ORC3: variants seen among roughly 807,000 people sequenced by gnomAD.
ORC3 encodes the protein origin recognition complex subunit 3, also known as homolog of latheo, Drosophila.
ORC3 carries 78 observed loss-of-function variants against 100.7 expected under a neutral mutation model. The ratio of observed to expected loss-of-function variants is 0.77; its 90% CI spans 0.65 to 0.94. The LOEUF is 0.94. ORC3 is among the 40% of genes least tolerant of loss of function. ORC3 has a pLI of 0.00. For missense variants in ORC3, 789 were observed against 823.9 expected, an observed-to-expected ratio of 0.96 and a Z score of 0.52; for synonymous variants, 295 against 289.3, an observed-to-expected ratio of 1.02 and a Z score of -0.20.
chr6:87,672,835 A>G, the ORC3 span, among the ~76,000 whole-genome samples: 2 of 152,152 alleles, frequency 1.3e-5, no homozygotes, highest in African/African-American at 4.8e-5. Context: ...TATTTTTCCA[A>G]AAGTACAAAC....
chr6:87,676,796 G>A, the ORC3 span, among the ~76,000 whole-genome samples: 1 of 149,092 alleles, frequency 6.7e-6, no homozygotes, highest in Non-Finnish European at 1.5e-5. Context: ...AAAACAATTG[G>A]CCGGGCATGG....
At position 87,667,159 on chromosome 6, in the gene ORC3, G is replaced by A; in HGVS notation, c.*36G>A. 7.9e-7 allele frequency: 1 copy of A among 1,270,266 alleles called. No individual in the cohort carries two copies. Among genetic ancestry groups the A allele is most frequent in the South Asian group, 1.3e-5 (1 of 78,838 alleles). The allele number at this position is 1,270,266 out of a possible 1,614,324, so 78.7% of individuals were successfully genotyped here. Reference sequence around the variant, plus strand: ...AGCAAAGCCAGAACTATCACATTTAGCTTAAGAGAAAAAGGTGACCAGTCA... The same window carrying A: ...AGCAAAGCCAGAACTATCACATTTAACTTAAGAGAAAAAGGTGACCAGTCA... On this transcript the variant is annotated 3_prime_UTR_variant, in exon 20 of 20. Coordinates refer to ENST00000392844, the MANE Select transcript of ORC3 (RefSeq NM_012381.4).
chr6:87,652,187 C>T (rs1583150723), intron 13 of ORC3, among the ~76,000 whole-genome samples: 1 of 152,034 alleles, frequency 6.6e-6, no homozygotes, highest in African/African-American at 2.4e-5. Context: ...TGTGAGCCAC[C>T]GTGCCTGGAA....
intron 13 of ORC3, among the ~76,000 whole-genome samples, chr6:87,639,833 A>C (rs1768104245): frequency 6.6e-6 from 1 of 150,382 alleles, no homozygotes; most frequent in South Asian, 2.1e-4. Context: ...TACAAAAAAA[A>C]AAAAAAAAAA....
At chr6:87,665,691 A>G in intron 18 of ORC3, 63 bp from the exon 19 acceptor site, 2 of 889,790 alleles carry the variant, frequency 2.2e-6, no homozygotes, top group Non-Finnish European at 3.7e-6. Context: ...TAAAAGAAGT[A>G]TAGTAAAAGA....
chr6:87,608,972 G>A, intron 6 of ORC3, 124 bp from the exon 7 acceptor site: 1 of 676,776 alleles, frequency 1.5e-6, no homozygotes, highest in Non-Finnish European at 2.3e-6. Context: ...TTATCGTGTG[G>A]TAGAAAAAAA....
intron 10 of ORC3, 25 bp from the exon 11 acceptor site, chr6:87,621,925 A>G (rs779511591): frequency 1.3e-6 from 2 of 1,532,528 alleles, no homozygotes; most frequent in Non-Finnish European, 1.8e-6. Context: ...TTCTCTTTTT[A>G]TGTATGGAAT....
chr6:87,661,420 G>A (rs1486295839), intron 16 of ORC3, among the ~76,000 whole-genome samples: 2 of 152,184 alleles, frequency 1.3e-5, no homozygotes, highest in Non-Finnish European at 2.9e-5. Flanking sequence ...TGGAGAAGGA[G>A]CAGCACCTAG....
chr6:87,665,096 T>C (rs1770494223), intron 18 of ORC3, among the ~76,000 whole-genome samples: 1 of 152,234 alleles, frequency 6.6e-6, no homozygotes, highest in South Asian at 2.1e-4. Flanking sequence ...AAGCCAATTC[T>C]GTGTTCATGC....
intron 12 of ORC3, among the ~76,000 whole-genome samples, chr6:87,635,526 G>A (rs772048861): frequency 6.6e-6 from 1 of 152,190 alleles, no homozygotes; most frequent in East Asian, 1.9e-4. Flanking sequence ...GCTGGGTGCA[G>A]TGACTCACGC....
At chr6:87,674,490 A>G in the ORC3 span, among the ~76,000 whole-genome samples, 1 of 151,586 alleles carries the variant, frequency 6.6e-6, no homozygotes, top group Admixed American at 6.6e-5. Flanking sequence ...AAGGGAGTCA[A>G]ATTTGCTGAA....
At chr6:87,604,173 C>G (rs1398197420) in intron 4 of ORC3, among the ~76,000 whole-genome samples, 1 of 152,150 alleles carries the variant, frequency 6.6e-6, no homozygotes, top group Non-Finnish European at 1.5e-5. Context: ...CCTTTGAAAA[C>G]AAAGTTGAAT....
intron 11 of ORC3, among the ~76,000 whole-genome samples, chr6:87,627,996 C>T (rs546088671): frequency 1.3e-5 from 2 of 152,328 alleles, no homozygotes; most frequent in South Asian, 2.1e-4. Context: ...CTTTAACTCC[C>T]TCAAAATTAT....
chr6:87,604,615 A>C (rs28381477), intron 4 of ORC3, among the ~76,000 whole-genome samples: 116 of 152,310 alleles, frequency 7.6e-4, no homozygotes, highest in African/African-American at 2.8e-3. Context: ...TGTGATAGAC[A>C]AGTTCATTGT....
chr6:87,606,265 G>A (rs113578301), intron 5 of ORC3, among the ~76,000 whole-genome samples: 2 of 152,238 alleles, frequency 1.3e-5, no homozygotes, highest in African/African-American at 2.4e-5. Context: ...TAGCAGTCCA[G>A]GCATTTTGTG....
chr6:87,644,843 C>T (rs1768625916), intron 13 of ORC3, among the ~76,000 whole-genome samples: 1 of 148,234 alleles, frequency 6.7e-6, no homozygotes, highest in Admixed American at 6.7e-5. Context: ...AGCGAGACTC[C>T]ATCCAAAAAA....
intron 6 of ORC3, among the ~76,000 whole-genome samples, chr6:87,608,481 C>T (rs1055180141): frequency 6.6e-6 from 1 of 152,124 alleles, no homozygotes; most frequent in Non-Finnish European, 1.5e-5. Context: ...TTACATTTTC[C>T]AATCAACATT....
chr6:87,613,228 A>C (rs1218915818), intron 8 of ORC3, among the ~76,000 whole-genome samples: 2 of 152,314 alleles, frequency 1.3e-5, no homozygotes, highest in African/African-American at 4.8e-5. Context: ...CACATCTTAC[A>C]TAGATGGCAG....
intron 7 of ORC3, among the ~76,000 whole-genome samples, chr6:87,610,247 C>G (rs971781700): frequency 1.3e-5 from 2 of 151,904 alleles, no homozygotes; most frequent in Non-Finnish European, 2.9e-5. Context: ...CTCGCTCTGT[C>G]CCCCAGGCTG....
Sources: allele counts gnomAD v4.1 joint callset (sites outside exome capture counted in the v4.1 genomes callset), GRCh38; gene constraint gnomAD v4.1.1; transcripts MANE v1.5; gene names NCBI Gene and HGNC (gene_info 2026-07-23, HGNC 2026-07-21).